Variants in ZNF536 observed in about 807,000 individuals in gnomAD.
The protein encoded by ZNF536 is zinc finger protein 536.
In ZNF536, 13 loss-of-function variants were observed where a neutral mutation model predicts 84.5. The observed-to-expected ratio is 0.15, with a 90% CI of 0.10 to 0.24. The LOEUF (loss-of-function observed/expected upper bound fraction) is 0.24, where lower values mean the gene tolerates loss of function less well. ZNF536 is among the 10% of genes least tolerant of loss of function. The pLI is 1.00. For synonymous variants in ZNF536, 811 were observed against 742.5 expected (o/e 1.09, Z -1.50); for missense variants, 1,536 against 1,747.5 (o/e 0.88, Z 2.16).
chr19:30,536,075 G>A (rs2045065816), intron 3 of ZNF536, among the ~76,000 whole-genome samples: 1 of 152,136 alleles, frequency 6.6e-6, no homozygotes, highest in African/African-American at 2.4e-5. Flanking sequence ...GCCTCTCTTG[G>A]AGTCATCTCA....
chr19:30,246,367 A>C lies in ZNF536; in HGVS notation c.-190+17694A>C, dbSNP rs371047510. Reference sequence around the variant, plus strand: ...GACGGTAGGAATCAGAGAGGGAAAGAAGTCTCGATTTTCTCCCGTCTGTCT... The same window carrying C: ...GACGGTAGGAATCAGAGAGGGAAAGCAGTCTCGATTTTCTCCCGTCTGTCT... On this transcript the variant is annotated intron_variant, in intron 1 of 5. Transcript: ENST00000585628. Among the ~76,000 whole-genome samples the C allele has an allele frequency of 3.9e-5, 6 of 152,320 alleles. No homozygotes were observed. The East Asian group carries it at 5.8e-4, about 15-fold the overall frequency.
intron 1 of ZNF536, among the ~76,000 whole-genome samples, chr19:30,642,065 G>A (rs2147345519): frequency 6.6e-6 from 1 of 152,308 alleles, no homozygotes; most frequent in East Asian, 1.9e-4. Flanking sequence ...GTTGATGGGG[G>A]CCATTGCTGA....
At chr19:30,661,146 T>G (rs2050108169) in intron 1 of ZNF536, among the ~76,000 whole-genome samples, 1 of 152,226 alleles carries the variant, frequency 6.6e-6, no homozygotes, top group Non-Finnish European at 1.5e-5. Context: ...GGCTTGGAGT[T>G]GCAAGTTGAA....
chr19:30,642,412 G>A (rs1007722562), intron 1 of ZNF536, among the ~76,000 whole-genome samples: 7 of 152,080 alleles, frequency 4.6e-5, no homozygotes, highest in African/African-American at 1.7e-4. Context: ...CTCCATCTCT[G>A]GTGGACAGCT....
chr19:30,383,435 C>A (rs2049101994), intron 1 of ZNF536, among the ~76,000 whole-genome samples: 2 of 152,204 alleles, frequency 1.3e-5, no homozygotes, highest in Admixed American at 6.5e-5. Context: ...GAAAGAGTTG[C>A]TGACAAGTTC....
intron 2 of ZNF536, among the ~76,000 whole-genome samples, chr19:30,501,642 A>G (rs529980376): frequency 1.3e-5 from 2 of 152,284 alleles, no homozygotes; most frequent in African/African-American, 2.4e-5. Context: ...ACCAGTCCAT[A>G]CTGAGACTCA....
In ZNF536 at chr19:30,507,948, C is replaced by T. The variant is rs554939304; in HGVS notation, c.2171-26899C>T. Among the ~76,000 whole-genome samples, 62 of 152,238 alleles carry T rather than the reference C, an allele frequency of 4.1e-4. 3 individuals carry two copies. The highest frequency in any genetic ancestry group is 3.4e-3 in the Middle Eastern group (1 of 294). On this transcript the variant is annotated intron_variant, in intron 2 of 4. Transcript: ENST00000355537. The stretch of plus-strand genomic sequence containing the variant: ...ATTTGATTAATGGCTTTCTTCCCCA[C>T]GAGACTTCAAGATCTGTGAGGGCAG...
chr19:30,480,762 A>C (rs114028578), intron 2 of ZNF536, among the ~76,000 whole-genome samples: 3,233 of 152,328 alleles, frequency 0.021, 67 homozygotes, highest in African/African-American at 0.054. Flanking sequence ...TAGCCTGGGC[A>C]CAGTGGCTCA....
intron 1 of ZNF536, among the ~76,000 whole-genome samples, chr19:30,636,890 C>T (rs970990310): frequency 1.3e-5 from 2 of 152,238 alleles, no homozygotes; most frequent in East Asian, 3.9e-4. Context: ...ACCCTGGTTT[C>T]GAACAGAGTC....
intron 1 of ZNF536, among the ~76,000 whole-genome samples, chr19:30,409,004 GTCCA>G (rs370424061): frequency 0.017 from 2,323 of 134,180 alleles, 19 homozygotes; most frequent in Middle Eastern, 0.031. Flanking sequence ...TCATCCATTG[GTCCA>G]TCCATCCATC....
At chr19:30,372,835 C>CG (rs2048661947) in intron 1 of ZNF536, among the ~76,000 whole-genome samples, 1 of 151,020 alleles carries the variant, frequency 6.6e-6, no homozygotes, top group Non-Finnish European at 1.5e-5. Context: ...ACCCGCCCCC[C>CG]CCATCTAATC....
intron 1 of ZNF536, among the ~76,000 whole-genome samples, chr19:30,690,011 C>A (rs144020591): frequency 1.1e-4 from 16 of 152,276 alleles, no homozygotes; most frequent in Non-Finnish European, 1.8e-4. Flanking sequence ...CCACCCTGCC[C>A]CCTGATTCAG....
intron 1 of ZNF536, among the ~76,000 whole-genome samples, chr19:30,373,867 A>G (rs2048703877): frequency 6.6e-6 from 1 of 152,194 alleles, no homozygotes; most frequent in Non-Finnish European, 1.5e-5. Flanking sequence ...CCTGAGCTGC[A>G]GTGGGAGCCG....
intron 1 of ZNF536, among the ~76,000 whole-genome samples, chr19:30,606,053 A>T (rs1402160887): frequency 6.6e-6 from 1 of 151,720 alleles, no homozygotes; most frequent in East Asian, 1.9e-4. Context: ...GAAAGAGCAG[A>T]TGTTCCTGGA....
intron 2 of ZNF536, among the ~76,000 whole-genome samples, chr19:30,330,786 G>A (rs1279166021): frequency 1.3e-5 from 2 of 152,140 alleles, no homozygotes; most frequent in African/African-American, 2.4e-5. Context: ...CCATTTTTCG[G>A]TCCTGAGGGC....
chr19:30,522,626 T>A lies in ZNF536; in HGVS notation c.2171-12221T>A, dbSNP rs555918171. On this transcript the variant is annotated intron_variant, in intron 2 of 4. Coordinates refer to ENST00000355537, the MANE Select transcript of ZNF536 (RefSeq NM_014717.3). Reference sequence around the variant, plus strand: ...AGGAACACACACATCCTAATAGGCATGCTTTTCAGATGCAAAAACGTGTTC... The same window carrying A: ...AGGAACACACACATCCTAATAGGCAAGCTTTTCAGATGCAAAAACGTGTTC... Among the ~76,000 whole-genome samples the A allele has an allele frequency of 8.5e-5, 13 of 152,222 alleles. No individual in the cohort carries two copies. The South Asian group carries it at 2.7e-3, about 32-fold the overall frequency.
Position 30,315,460 on chromosome 19 carries a change from C to A in ZNF536, c.-120+31319C>A, listed in dbSNP as rs150831322. On this transcript the variant is annotated intron_variant, in intron 2 of 5. Coordinates refer to the ZNF536 transcript ENST00000585628. ...ATGATGGTGGGGCATGAGCCACCCC[C>A]CTCTGGGCCCTCTGTAGCAGGGTCT... Among the ~76,000 whole-genome samples the A allele has an allele frequency of 3.3e-5, 5 of 152,240 alleles. No homozygotes were observed. In the South Asian group the frequency reaches 6.2e-4, roughly 19 times the overall value.
intron 1 of ZNF536, among the ~76,000 whole-genome samples, chr19:30,647,563 GC>G (rs1350644781): frequency 1.3e-5 from 2 of 152,194 alleles, no homozygotes; most frequent in Non-Finnish European, 2.9e-5. Flanking sequence ...GCTGGCATCT[GC>G]TTTCGTCTTC....
intron 2 of ZNF536, among the ~76,000 whole-genome samples, chr19:30,297,813 C>CA (rs2046047767): frequency 6.6e-6 from 1 of 151,796 alleles, no homozygotes; most frequent in Non-Finnish European, 1.5e-5. Context: ...CGCCAGGCAG[C>CA]AGGAGCCCCC....
Sources: allele counts gnomAD v4.1 joint callset (sites outside exome capture counted in the v4.1 genomes callset), GRCh38; gene constraint gnomAD v4.1.1; transcripts MANE v1.5; gene names NCBI Gene and HGNC (gene_info 2026-07-23, HGNC 2026-07-21).